The following PCDHAC2 variants were observed in gnomAD, a reference collection of about 807,000 sequenced individuals.
PCDHAC2 encodes the protein protocadherin alpha subfamily C, 2.
A neutral mutation model predicts 63.3 loss-of-function variants in PCDHAC2; 24 were observed. The ratio of observed to expected loss-of-function variants is 0.38; its 90% CI spans 0.27 to 0.53. The LOEUF (loss-of-function observed/expected upper bound fraction) is 0.53, where lower values mean the gene tolerates loss of function less well. Ranked by LOEUF, PCDHAC2 falls within the 20% of genes least tolerant of loss-of-function variation. PCDHAC2 has a pLI of 0.81. For synonymous variants in PCDHAC2, 569 were observed against 529.4 expected (o/e 1.07, Z -1.03); for missense variants, 1,181 against 1,275.2 (o/e 0.93, Z 1.12).
In PCDHAC2 at chr5:140,969,139, C is replaced by T. The variant is rs1407003944; in HGVS notation, c.2373C>T (p.Tyr791=). 5 of 1,614,064 alleles carry T rather than the reference C, an allele frequency of 3.1e-6. No homozygotes were observed. Among genetic ancestry groups the T allele is most frequent in the Non-Finnish European group, 4.2e-6 (5 of 1,180,038 alleles). ...GGAATGGCTCCCTCACCAAGACCTA[C>T]TGCTACAAGGCCTGTCTGACAGCAG... ...VRGNGSLTKT[Y]CYKACLTAGS... is the part of the protein sequence containing the mutation. Residue 791 remains tyrosine (Y), a synonymous_variant, in exon 1 of 4, where the codon TAC becomes TAT. Transcript: ENST00000289269.
intron 1 of PCDHAC2, among the ~76,000 whole-genome samples, chr5:140,974,059 G>A (rs1233997260): frequency 6.6e-6 from 1 of 152,180 alleles, no homozygotes; most frequent in Non-Finnish European, 1.5e-5. Context: ...AATATTTGGA[G>A]CAGTATAATC....
chr5:141,008,470 C>T (rs2098378498), intron 3 of PCDHAC2, among the ~76,000 whole-genome samples: 1 of 152,156 alleles, frequency 6.6e-6, no homozygotes, highest in Non-Finnish European at 1.5e-5. Context: ...GCTCTGACTT[C>T]TACTCTTCTA....
chr5:140,992,470 G>T (rs1027762445), intron 3 of PCDHAC2, among the ~76,000 whole-genome samples: 2 of 152,192 alleles, frequency 1.3e-5, no homozygotes, highest in African/African-American at 4.8e-5. Context: ...GTACTCTTTA[G>T]ATCACCCAGA....
At chr5:140,983,470 A>G (rs782117929) in intron 3 of PCDHAC2, among the ~76,000 whole-genome samples, 16 of 152,224 alleles carry the variant, frequency 1.1e-4, no homozygotes, top group Non-Finnish European at 1.5e-4. Context: ...CATCATGATG[A>G]TAATAGTAGT....
intron 3 of PCDHAC2, among the ~76,000 whole-genome samples, chr5:140,992,147 G>A (rs1304729438): frequency 2.0e-5 from 3 of 151,714 alleles, no homozygotes; most frequent in Non-Finnish European, 4.4e-5. Context: ...TGCTAACTTT[G>A]CTCAATCAAG....
At position 140,992,017 on chromosome 5, in the gene PCDHAC2, CTGTGTGTG is replaced by C. The variant is rs10602499; in HGVS notation, c.2713+9484_2713+9491del. On this transcript the variant is annotated intron_variant, in intron 3 of 3. Coordinates refer to ENST00000289269, the MANE Select transcript of PCDHAC2 (RefSeq NM_018899.6). ...CTTTCATGTTCAGGCAGAGGTGGCT[CTGTGTGTG>C]TGTGTGTGTGTGTGTGTGTGTGTGT... Among the ~76,000 whole-genome samples the C allele has an allele frequency of 9.8e-4, 142 of 145,616 alleles. No homozygotes were observed. The East Asian group carries it at 1.0e-2, about 10-fold the overall frequency.
At chr5:140,983,739 G>A (rs983923811) in intron 3 of PCDHAC2, among the ~76,000 whole-genome samples, 1 of 152,194 alleles carries the variant, frequency 6.6e-6, no homozygotes, top group African/African-American at 2.4e-5. Context: ...TGGCTGGCTT[G>A]CAATAATCCA....
Position 140,967,996 on chromosome 5 carries a change from C to T in PCDHAC2, c.1230C>T (p.Phe410=). 2 of 1,614,214 alleles carry T rather than the reference C, an allele frequency of 1.2e-6. No homozygotes were observed. Among genetic ancestry groups the T allele is most frequent in the Non-Finnish European group, 1.7e-6 (2 of 1,180,038 alleles). The change falls in exon 1 of 4, where the codon TTC becomes TTT. Residue 410 remains phenylalanine (F), a synonymous_variant. Coordinates refer to ENST00000289269, the MANE Select transcript of PCDHAC2 (RefSeq NM_018899.6). ...VSLGLEATLP[F]RLNGFGNSYT... ...TGGGTCTGGAGGCCACACTGCCTTT[C>T]CGACTGAATGGCTTTGGAAACTCCT...
At chr5:140,987,668 G>C (rs1262402590) in intron 3 of PCDHAC2, among the ~76,000 whole-genome samples, 1 of 152,082 alleles carries the variant, frequency 6.6e-6, no homozygotes, top group Non-Finnish European at 1.5e-5. Context: ...GAACAATCAG[G>C]GTTTAGTAAA....
rs941007574 is a variant in PCDHAC2 at position 141,010,090 on chromosome 5, C to G, written c.*153C>G. ...AAGTTCCCTGTGTCTGTCTAGAACG[C>G]ATTTAACAGGTTTTGTCGTAAAAGC... On this transcript the variant is annotated 3_prime_UTR_variant, in exon 4 of 4. Transcript: ENST00000289269. 1.5e-5 allele frequency: 24 copies of G among 1,612,636 alleles called. No homozygotes were observed. Among genetic ancestry groups the G allele is most frequent in the Non-Finnish European group, 2.0e-5 (24 of 1,179,276 alleles).
rs59860837 is a variant in PCDHAC2 at position 141,005,701 on chromosome 5, C to CAAAAA, written c.2714-3900_2714-3896dup. 5.2e-3 allele frequency among the ~76,000 whole-genome samples: 40 copies of CAAAAA among 7,764 alleles called. 2 individuals are homozygous for CAAAAA. Among genetic ancestry groups the CAAAAA allele is most frequent in the East Asian group, 0.013 (4 of 312 alleles). The allele number at this position is 7,764 out of a possible 152,430, so 5.1% of individuals were successfully genotyped here. On this transcript the variant is annotated intron_variant, in intron 3 of 3. Coordinates refer to ENST00000289269, the MANE Select transcript of PCDHAC2 (RefSeq NM_018899.6). ...TGGGCGACAGAGCGAAACTCCGTCT[C>CAAAAA]AAAAAAAAAAAAAAAAAAAAAAAAA...
At chr5:140,993,032 G>A (rs1356944264) in intron 3 of PCDHAC2, among the ~76,000 whole-genome samples, 2 of 152,286 alleles carry the variant, frequency 1.3e-5, no homozygotes, top group South Asian at 2.1e-4. Flanking sequence ...TGTGGGCTCC[G>A]TGTGTCATCA....
intron 3 of PCDHAC2, among the ~76,000 whole-genome samples, chr5:141,008,415 C>T (rs782593921): frequency 2.0e-5 from 3 of 152,138 alleles, no homozygotes; most frequent in Non-Finnish European, 4.4e-5. Flanking sequence ...ATGTCATGGC[C>T]ACTGGGATCA....
intron 3 of PCDHAC2, among the ~76,000 whole-genome samples, chr5:140,989,362 G>A (rs1264795948): frequency 6.6e-6 from 1 of 152,176 alleles, no homozygotes; most frequent in African/African-American, 2.4e-5. Context: ...GGTCACCTGT[G>A]TGACTGAGAG....
At chr5:140,990,130 G>A (rs1448603304) in intron 3 of PCDHAC2, among the ~76,000 whole-genome samples, 1 of 152,066 alleles carries the variant, frequency 6.6e-6, no homozygotes, top group Admixed American at 6.6e-5. Flanking sequence ...GTAGAAGTCA[G>A]ACTCAAGAGG....
At chr5:141,002,357 C>G (rs2098075744) in intron 3 of PCDHAC2, among the ~76,000 whole-genome samples, 2 of 152,246 alleles carry the variant, frequency 1.3e-5, no homozygotes, top group Admixed American at 6.5e-5. Flanking sequence ...ACCTCCACTC[C>G]TTTCAACTCA....
Position 140,979,061 on chromosome 5 carries a change from A to G in PCDHAC2, c.2624+54A>G, listed in dbSNP as rs374803810. 155 of 1,605,246 alleles carry G rather than the reference A, an allele frequency of 9.7e-5. No individual in the cohort carries two copies. The African/African-American group carries it at 1.8e-3, about 19-fold the overall frequency. On this transcript the variant is annotated intron_variant, in intron 2 of 3. Coordinates refer to ENST00000289269, the MANE Select transcript of PCDHAC2 (RefSeq NM_018899.6). ...AAGTAACCTTAACTTGGTATGGCTC[A>G]GATAAACTGCATCTCCATAGGCCAG...
chr5:141,000,734 T>A (rs1221425075), intron 3 of PCDHAC2, among the ~76,000 whole-genome samples: 4 of 150,588 alleles, frequency 2.7e-5, no homozygotes, highest in Non-Finnish European at 4.4e-5. Flanking sequence ...GGCCCCTATC[T>A]CTGTATATTA....
Position 140,968,451 on chromosome 5 carries a change from C to T in PCDHAC2, c.1685C>T (p.Thr562Ile), listed in dbSNP as rs782416830. 9 of 1,614,130 alleles carry T rather than the reference C, an allele frequency of 5.6e-6. No homozygotes were observed. The South Asian group carries it at 9.9e-5, about 18-fold the overall frequency. ...AAGGGGAGCCCACCACTGAGCAGCACTGTGACTGCCAACGTATATGTGGTG... is the reference window on the plus strand; with the variant it reads ...AAGGGGAGCCCACCACTGAGCAGCATTGTGACTGCCAACGTATATGTGGTG... ...QDKGSPPLSS[T>I]VTANVYVVDM... The change falls in exon 1 of 4, where the codon ACT (threonine) becomes ATT (isoleucine). Residue 562 changes from threonine to isoleucine, a missense_variant. Transcript: ENST00000289269.
Sources: gnomAD v4.1 joint callset for allele counts (sites outside exome capture counted in the v4.1 genomes callset) on GRCh38, gnomAD v4.1.1 for gene constraint, MANE v1.5 for transcripts, NCBI Gene and HGNC (gene_info 2026-07-23, HGNC 2026-07-21) for gene names.